The following GABRA3 variants were observed in gnomAD, a reference collection of about 807,000 sequenced individuals.
The protein encoded by GABRA3 is gamma-aminobutyric acid type A receptor subunit alpha3, also known as gamma-aminobutyric acid receptor subunit alpha-3.
In GABRA3, 10 loss-of-function variants were observed where a neutral mutation model predicts 30.1. The ratio of observed to expected loss-of-function variants is 0.33; its 90% CI spans 0.20 to 0.56. GABRA3 has a LOEUF of 0.56. Ranked by LOEUF, GABRA3 falls within the 20% of genes least tolerant of loss-of-function variation. The pLI is 0.89. For synonymous variants in GABRA3, 151 were observed against 146.8 expected, an observed-to-expected ratio of 1.03 and a Z score of -0.21; for missense variants, 233 against 392.0, an observed-to-expected ratio of 0.59 and a Z score of 3.42.
At chrX:152,438,481 CTT>C (rs755981002) in intron 1 of GABRA3, among the ~76,000 whole-genome samples, 169 of 112,272 alleles carry the variant, frequency 1.5e-3, no homozygotes, top group Admixed American at 3.6e-3. Flanking sequence ...GAGTTGAAAA[CTT>C]ATATCCACAC....
intron 7 of GABRA3, among the ~76,000 whole-genome samples, chrX:152,206,366 G>T (rs1338008796): frequency 1.8e-5 from 2 of 111,927 alleles, no homozygotes; most frequent in Non-Finnish European, 3.8e-5. Flanking sequence ...TGAAGCAGGA[G>T]GCCGGCTTCT....
At chrX:152,366,780 T>C (rs1928672510) in intron 1 of GABRA3, among the ~76,000 whole-genome samples, 1 of 111,759 alleles carries the variant, frequency 8.9e-6, no homozygotes, top group Non-Finnish European at 1.9e-5. Context: ...CCATGATAAA[T>C]GCACACAGAA....
chrX:152,322,269 C>T lies in GABRA3; in HGVS notation c.262+23312G>A, dbSNP rs1173544951. Among the ~76,000 whole-genome samples, 4 of 111,812 alleles carry T rather than the reference C, an allele frequency of 3.6e-5. No homozygotes were observed. In the East Asian group the frequency reaches 8.4e-4, roughly 24 times the overall value. ...CACATATTGTATGATTTCATCTATA[C>T]GAAATATTCAGAATGGGTGAGGACA... is the stretch of plus-strand genomic sequence containing the variant. On this transcript the variant is annotated intron_variant, in intron 3 of 9. Coordinates refer to ENST00000370314, the MANE Select transcript of GABRA3 (RefSeq NM_000808.4).
At chrX:152,352,091 T>C (rs1940486881) in intron 2 of GABRA3, among the ~76,000 whole-genome samples, 1 of 110,358 alleles carries the variant, frequency 9.1e-6, no homozygotes, top group African/African-American at 3.3e-5. Context: ...ACTTTGAAAA[T>C]TTGCAAGAAT....
chrX:152,239,748 A>C (rs1280294245), intron 5 of GABRA3, among the ~76,000 whole-genome samples: 1 of 102,410 alleles, frequency 9.8e-6, no homozygotes, highest in Non-Finnish European at 1.9e-5. Context: ...CCATTATGTA[A>C]TGGCCTTCTT....
intron 6 of GABRA3, among the ~76,000 whole-genome samples, chrX:152,211,737 A>G (rs758858594): frequency 9.0e-6 from 1 of 111,198 alleles, no homozygotes; most frequent in Non-Finnish European, 1.9e-5. Flanking sequence ...GCACACTAGT[A>G]AAATAAACAC....
At chrX:152,275,305 T>G (rs1350207419) in intron 4 of GABRA3, among the ~76,000 whole-genome samples, 1 of 41,392 alleles carries the variant, frequency 2.4e-5, no homozygotes, top group East Asian at 7.6e-4. Context: ...ATATTATATA[T>G]AAATATATAT....
At chrX:152,209,556 C>A (rs1052462941) in intron 6 of GABRA3, among the ~76,000 whole-genome samples, 1 of 111,847 alleles carries the variant, frequency 8.9e-6, no homozygotes, top group Non-Finnish European at 1.9e-5. Context: ...AAACCTTCTA[C>A]CACAAAGCAA....
chrX:152,227,891 G>C (rs761733975), intron 5 of GABRA3, among the ~76,000 whole-genome samples: 1 of 111,138 alleles, frequency 9.0e-6, no homozygotes, highest in East Asian at 2.9e-4. Context: ...TGAGGGTAAC[G>C]GTCTCCTCAG....
chrX:152,179,741 G>A (rs749597261), intron 9 of GABRA3, among the ~76,000 whole-genome samples: 52 of 110,567 alleles, frequency 4.7e-4, no homozygotes, highest in Admixed American at 4.6e-3. Flanking sequence ...TGATCTGCCC[G>A]CTTCAGTCTC....
intron 3 of GABRA3, among the ~76,000 whole-genome samples, chrX:152,335,990 G>A (rs1467425008): frequency 9.0e-6 from 1 of 111,435 alleles, no homozygotes; most frequent in Non-Finnish European, 1.9e-5. Context: ...CAAAGTGTTG[G>A]GATTACAGGG....
rs765078680 is a variant in GABRA3, at chrX:152,409,739, G to A, written c.-27+41407C>T. Among the ~76,000 whole-genome samples, 46 of 112,131 alleles carry A rather than the reference G, an allele frequency of 4.1e-4. 1 individual carries two copies. The Middle Eastern group carries it at 0.014, about 34-fold the overall frequency. The stretch of plus-strand genomic sequence containing the variant: ...ATGCTGGCAAAGATGTGGAGAAAAG[G>A]CAACCCCCATACACTGTTGGTGGAA... On this transcript the variant is annotated intron_variant, in intron 1 of 9. Transcript: ENST00000370314.
At position 152,264,814 on chromosome X, in the gene GABRA3, C is replaced by G. The variant is rs185695779; in HGVS notation, c.331-8816G>C. On this transcript the variant is annotated intron_variant, in intron 4 of 9. Coordinates refer to ENST00000370314, the MANE Select transcript of GABRA3 (RefSeq NM_000808.4). ...AAGGGATGGAAAAAGATATTCCATG[C>G]AGATGGAAAGCAAAAAAGAGCAGGA... Among the ~76,000 whole-genome samples, 50 of 110,403 alleles carry G rather than the reference C, an allele frequency of 4.5e-4. 1 individual carries two copies. In the East Asian group the frequency reaches 0.013, roughly 30 times the overall value.
intron 3 of GABRA3, among the ~76,000 whole-genome samples, chrX:152,285,586 A>T (rs926720613): frequency 9.0e-6 from 1 of 111,693 alleles, no homozygotes; most frequent in Non-Finnish European, 1.9e-5. Context: ...CCAAATTGGA[A>T]ATTAATACTG....
At position 152,204,216 on chromosome X, in the gene GABRA3, C is replaced by G. The variant is rs190184769; in HGVS notation, c.778+3785G>C. Among the ~76,000 whole-genome samples, 1,021 of 111,594 alleles carry G rather than the reference C, an allele frequency of 9.1e-3. 9 individuals carry two copies. Among genetic ancestry groups the G allele is most frequent in the African/African-American group, 0.032 (975 of 30,751 alleles). On this transcript the variant is annotated intron_variant, in intron 7 of 9. Coordinates refer to ENST00000370314, the MANE Select transcript of GABRA3 (RefSeq NM_000808.4). ...TAAAGGTGAAAAATGGCAGTATAAG[C>G]ACATTATTTAGAACTATGGAGGGAA...
At chrX:152,195,284 AC>A (rs1489857703) in intron 8 of GABRA3, among the ~76,000 whole-genome samples, 2 of 112,073 alleles carry the variant, frequency 1.8e-5, no homozygotes, top group Non-Finnish European at 3.8e-5. Flanking sequence ...GCCAAAAAAA[AC>A]ATGCTTCTTT....
At chrX:152,173,676 G>A (rs947252057) in intron 9 of GABRA3, among the ~76,000 whole-genome samples, 1 of 110,251 alleles carries the variant, frequency 9.1e-6, no homozygotes, top group African/African-American at 3.3e-5. Flanking sequence ...GGCTGGTCTC[G>A]AACTCCTGAC....
intron 1 of GABRA3, among the ~76,000 whole-genome samples, chrX:152,431,229 T>C (rs904268949): frequency 4.5e-5 from 5 of 111,685 alleles, no homozygotes; most frequent in African/African-American, 1.6e-4. Flanking sequence ...AATCTAAGGA[T>C]AGTGATGGAG....
intron 5 of GABRA3, among the ~76,000 whole-genome samples, chrX:152,254,248 C>T (rs1363176472): frequency 1.8e-5 from 2 of 110,973 alleles, no homozygotes; most frequent in Admixed American, 1.9e-4. Context: ...GTCCCTTCCC[C>T]TACTTCTCTA....
Sources: gnomAD v4.1 joint callset for allele counts (sites outside exome capture counted in the v4.1 genomes callset) on GRCh38, gnomAD v4.1.1 for gene constraint, MANE v1.5 for transcripts, NCBI Gene and HGNC (gene_info 2026-07-23, HGNC 2026-07-21) for gene names.